Variants in SUGCT observed in about 807,000 individuals in gnomAD.
The protein encoded by SUGCT is succinyl-CoA:glutarate-CoA transferase.
A neutral mutation model predicts 55.0 loss-of-function variants in SUGCT; 41 were observed. The observed-to-expected ratio is 0.74, with a 90% CI of 0.58 to 0.97. SUGCT has a LOEUF of 0.97. Among genes scored for constraint, SUGCT ranks in the 50% least tolerant of loss-of-function variants. SUGCT has a pLI of 0.00. For synonymous variants in SUGCT, 187 were observed against 200.4 expected, an observed-to-expected ratio of 0.93 and a Z score of 0.56; for missense variants, 568 against 547.8, an observed-to-expected ratio of 1.04 and a Z score of -0.37.
At chr7:40,926,885 A>T in the SUGCT span, among the ~76,000 whole-genome samples, 1 of 152,212 alleles carries the variant, frequency 6.6e-6, no homozygotes, top group Non-Finnish European at 1.5e-5. Flanking sequence ...CAGTCTTTCC[A>T]TCAAGGCCAA....
At chr7:40,329,282 C>T (rs1271942740) in intron 9 of SUGCT, among the ~76,000 whole-genome samples, 1 of 152,064 alleles carries the variant, frequency 6.6e-6, no homozygotes, top group Non-Finnish European at 1.5e-5. Flanking sequence ...ATGTTAAGTA[C>T]TGAAGTGAAT....
At chr7:40,820,147 T>C (rs1316065626) in intron 13 of SUGCT, among the ~76,000 whole-genome samples, 4 of 152,252 alleles carry the variant, frequency 2.6e-5, no homozygotes, top group Non-Finnish European at 5.9e-5. Flanking sequence ...ACCAGTACCA[T>C]GCTGTTTTGG....
chr7:40,874,277 T>A, the SUGCT span, among the ~76,000 whole-genome samples: 1 of 152,210 alleles, frequency 6.6e-6, no homozygotes, highest in Non-Finnish European at 1.5e-5. Flanking sequence ...AAGATGGCCC[T>A]GACAGTTGTG....
chr7:40,869,581 T>C, the SUGCT span, among the ~76,000 whole-genome samples: 6 of 152,210 alleles, frequency 3.9e-5, no homozygotes, highest in Non-Finnish European at 8.8e-5. Flanking sequence ...CTTAAGGAGC[T>C]GAAAGCTTAT....
chr7:40,825,787 T>A (rs1416109356), intron 13 of SUGCT, among the ~76,000 whole-genome samples: 1 of 152,140 alleles, frequency 6.6e-6, no homozygotes, highest in Non-Finnish European at 1.5e-5. Flanking sequence ...TAAGGTTACA[T>A]AGATGCTTAC....
the SUGCT span, among the ~76,000 whole-genome samples, chr7:40,977,253 A>G: frequency 6.6e-6 from 1 of 152,234 alleles, no homozygotes; most frequent in African/African-American, 2.4e-5. Flanking sequence ...AATGTCAATA[A>G]TAATAGCAAA....
At chr7:40,814,542 C>T (rs1256683272) in intron 13 of SUGCT, among the ~76,000 whole-genome samples, 1 of 151,588 alleles carries the variant, frequency 6.6e-6, no homozygotes, top group Non-Finnish European at 1.5e-5. Flanking sequence ...TTTTAAATTC[C>T]AGAAGCTCTG....
At chr7:40,483,995 G>T (rs1448667255) in intron 11 of SUGCT, among the ~76,000 whole-genome samples, 1 of 152,148 alleles carries the variant, frequency 6.6e-6, no homozygotes, top group Non-Finnish European at 1.5e-5. Flanking sequence ...TCACTGATAA[G>T]TAAATGATAT....
At chr7:40,329,534 C>A (rs1306520430) in intron 9 of SUGCT, among the ~76,000 whole-genome samples, 1 of 152,042 alleles carries the variant, frequency 6.6e-6, no homozygotes, top group Non-Finnish European at 1.5e-5. Flanking sequence ...TCTCAAGTGC[C>A]CCCTCCTCCT....
chr7:40,487,901 GATGAAGGGAGTCT>G (rs576889576), intron 11 of SUGCT, among the ~76,000 whole-genome samples: 241 of 152,170 alleles, frequency 1.6e-3, no homozygotes, highest in African/African-American at 5.5e-3. Flanking sequence ...TATCCTTAAA[GATGAAGGGAGTCT>G]CTTCTAGTCA....
chr7:40,588,832 A>G (rs184885018), intron 12 of SUGCT, among the ~76,000 whole-genome samples: 14 of 152,326 alleles, frequency 9.2e-5, no homozygotes, highest in Non-Finnish European at 1.5e-5. Flanking sequence ...AAGGCTATAA[A>G]GCACTTAACA....
intron 6 of SUGCT, among the ~76,000 whole-genome samples, chr7:40,215,610 C>A (rs1292983045): frequency 6.6e-6 from 1 of 152,182 alleles, no homozygotes. Context: ...TGCCTGTAAT[C>A]CCAGCACTTT....
chr7:40,316,973 T>TTG, intron 9 of SUGCT, 118 bp downstream of exon 9: 1 of 529,852 alleles, frequency 1.9e-6, no homozygotes, highest in African/African-American at 2.0e-5. Context: ...TTTTTTTTTT[T>TTG]GTAATGTATC....
intron 9 of SUGCT, among the ~76,000 whole-genome samples, chr7:40,416,084 C>A (rs1786985463): frequency 6.6e-6 from 1 of 151,894 alleles, no homozygotes; most frequent in African/African-American, 2.4e-5. Flanking sequence ...ATGAAGTCTT[C>A]TTTTCCAAGG....
the SUGCT span, among the ~76,000 whole-genome samples, chr7:40,971,684 C>T: frequency 1.3e-5 from 2 of 152,094 alleles, no homozygotes; most frequent in African/African-American, 4.8e-5. Flanking sequence ...TGAGACTGAT[C>T]TTCAGTTGTT....
chr7:40,549,589 G>T (rs192173323), intron 12 of SUGCT, among the ~76,000 whole-genome samples: 49 of 152,282 alleles, frequency 3.2e-4, no homozygotes, highest in African/African-American at 1.2e-3. Flanking sequence ...GCATAATGTG[G>T]TCGGAACATA....
Position 40,597,251 on chromosome 7 carries a change from G to A in SUGCT, c.1089+100865G>A, listed in dbSNP as rs185897970. Among the ~76,000 whole-genome samples the A allele has an allele frequency of 2.0e-5, 3 of 152,220 alleles. No homozygotes were observed. In the East Asian group the frequency reaches 5.8e-4, roughly 29 times the overall value. On this transcript the variant is annotated intron_variant, in intron 12 of 13. Transcript: ENST00000335693. ...TTTCCCAAATTATTTATCAAACAGG[G>A]AATTGTTCTAGCCTAACTTCCTCAG...
chr7:40,538,897 G>A (rs1201496624), intron 12 of SUGCT: 1 of 152,092 alleles, frequency 6.6e-6, no homozygotes, highest in African/African-American at 2.4e-5. Flanking sequence ...CTAATACAGT[G>A]AAACCCCGTC....
intron 6 of SUGCT, among the ~76,000 whole-genome samples, chr7:40,235,262 G>T (rs1197128018): frequency 1.3e-5 from 2 of 151,996 alleles, no homozygotes; most frequent in African/African-American, 4.8e-5. Flanking sequence ...AGATTAATTG[G>T]TGATTATCAC....
Sources: gnomAD v4.1 joint callset for allele counts (sites outside exome capture counted in the v4.1 genomes callset) on GRCh38, gnomAD v4.1.1 for gene constraint, MANE v1.5 for transcripts, NCBI Gene and HGNC (gene_info 2026-07-23, HGNC 2026-07-21) for gene names.